The following ARFGEF2 variants were observed in gnomAD, a reference collection of about 807,000 sequenced individuals.
ARFGEF2 encodes the protein brefeldin A-inhibited guanine nucleotide-exchange protein 2.
In ARFGEF2, 74 loss-of-function variants were observed where a neutral mutation model predicts 219.9. That is an observed-to-expected ratio of 0.34 (90% confidence interval 0.28 to 0.41). The LOEUF is 0.41. ARFGEF2 is among the 10% of genes least tolerant of loss of function. The pLI is 1.00. For missense variants in ARFGEF2, 1,743 were observed against 2,218.3 expected (o/e 0.79, Z 4.30); for synonymous variants, 733 against 799.2 (o/e 0.92, Z 1.40).
At position 49,008,379 on chromosome 20, in the gene ARFGEF2, A is replaced by T. The variant is rs561422868; in HGVS notation, c.3585-1853A>T. On this transcript the variant is annotated intron_variant, in intron 26 of 38. Transcript: ENST00000371917. ...GGAATTCGAGACCAGCCTGGCCAAC[A>T]TGCTGAAACCCCGTCTCTACTAAAA... Among the ~76,000 whole-genome samples, 25 of 152,000 alleles carry T rather than the reference A, an allele frequency of 1.6e-4. No homozygotes were observed. The South Asian group carries it at 4.2e-3, about 25-fold the overall frequency.
At chr20:49,004,658 G>A (rs549132548) in intron 25 of ARFGEF2, among the ~76,000 whole-genome samples, 6 of 151,856 alleles carry the variant, frequency 4.0e-5, no homozygotes, top group South Asian at 4.2e-4. Flanking sequence ...AAAATCAGCC[G>A]GCAGGCACCT....
At chr20:48,966,124 G>A in intron 8 of ARFGEF2, 101 bp downstream of exon 8, 5 of 1,445,528 alleles carry the variant, frequency 3.5e-6, no homozygotes, top group Non-Finnish European at 4.8e-6. Context: ...AAATAAGCAA[G>A]CCCTGTTCCT....
chr20:48,947,178 TG>T (rs1478645086), intron 3 of ARFGEF2, among the ~76,000 whole-genome samples: 1 of 151,930 alleles, frequency 6.6e-6, no homozygotes, highest in Non-Finnish European at 1.5e-5. Flanking sequence ...ACGGGCAGAT[TG>T]CCTGAGCTCA....
intron 14 of ARFGEF2, among the ~76,000 whole-genome samples, chr20:48,983,950 A>G (rs1465719563): frequency 6.6e-6 from 1 of 151,978 alleles, no homozygotes; most frequent in Non-Finnish European, 1.5e-5. Context: ...ATGGTGGCTC[A>G]TGCCCGTTAT....
At chr20:49,001,365 C>A (rs2091424408) in intron 25 of ARFGEF2, among the ~76,000 whole-genome samples, 1 of 152,096 alleles carries the variant, frequency 6.6e-6, no homozygotes, top group Non-Finnish European at 1.5e-5. Flanking sequence ...TTAACTTTTT[C>A]CACCACCTTG....
intron 20 of ARFGEF2, 29 bp from the exon 21 acceptor site, chr20:48,991,011 C>T (rs764258360): frequency 6.2e-7 from 1 of 1,608,836 alleles, no homozygotes; most frequent in Non-Finnish European, 8.5e-7. Context: ...GTTGGAGTCA[C>T]AGTGTTCTCT....
chr20:48,976,526 T>TGGC (rs1235239367), intron 14 of ARFGEF2, among the ~76,000 whole-genome samples: 3 of 152,132 alleles, frequency 2.0e-5, no homozygotes, highest in Admixed American at 2.0e-4. Flanking sequence ...CTGCCTGAGA[T>TGGC]GGCCCGGCGC....
chr20:48,936,991 C>T lies in ARFGEF2; in HGVS notation c.122-4208C>T, dbSNP rs186545589. Among the ~76,000 whole-genome samples the T allele has an allele frequency of 6.6e-5, 10 of 152,216 alleles. No homozygotes were observed. In the East Asian group the frequency reaches 1.7e-3, roughly 26 times the overall value. ...TGGAAAAAAAAAAGATTGCATTATC[C>T]AGATATATCAAGAACCCAACTTTTA... On this transcript the variant is annotated intron_variant, in intron 1 of 38. Transcript: ENST00000371917.
At chr20:48,937,454 C>T (rs1416748941) in intron 1 of ARFGEF2, among the ~76,000 whole-genome samples, 2 of 152,130 alleles carry the variant, frequency 1.3e-5, no homozygotes, top group African/African-American at 2.4e-5. Flanking sequence ...TACCATGTTG[C>T]TCAGGCTGGT....
At chr20:48,937,939 C>T (rs2090969192) in intron 1 of ARFGEF2, among the ~76,000 whole-genome samples, 1 of 152,214 alleles carries the variant, frequency 6.6e-6, no homozygotes, top group Non-Finnish European at 1.5e-5. Flanking sequence ...GTGTTTTGAA[C>T]CGTGGTTGTA....
chr20:48,989,620 T>C lies in ARFGEF2; in HGVS notation c.2750T>C (p.Val917Ala). 6.2e-7 allele frequency: 1 copy of C among 1,614,242 alleles called. No individual in the cohort carries two copies. The highest frequency in any genetic ancestry group is 8.5e-7 in the Non-Finnish European group (1 of 1,180,036). ...CTCCAGAACTGTGATGACACTGAAG[T>C]GGCCTCCTTGTGTTTGGAAGGCATC... ...IGLQNCDDTE[V>A]ASLCLEGIRC... Residue 917 changes from valine to alanine, a missense_variant, in exon 20 of 39, where the codon GTG (valine) becomes GCG (alanine). Transcript: ENST00000371917.
At chr20:48,982,289 G>C (rs1175539224) in intron 14 of ARFGEF2, among the ~76,000 whole-genome samples, 2 of 152,180 alleles carry the variant, frequency 1.3e-5, no homozygotes, top group Non-Finnish European at 1.5e-5. Flanking sequence ...TCCAGACCCT[G>C]TTTGCCTGGG....
intron 29 of ARFGEF2, 21 bp from the exon 30 acceptor site, chr20:49,013,810 G>A (rs1218682598): frequency 6.2e-7 from 1 of 1,613,900 alleles, no homozygotes; most frequent in Non-Finnish European, 8.5e-7. Context: ...TCTCTTCTGT[G>A]CCTGACTTTG....
chr20:48,923,569 A>G (rs1209187334), intron 1 of ARFGEF2, among the ~76,000 whole-genome samples: 2 of 152,232 alleles, frequency 1.3e-5, no homozygotes, highest in Non-Finnish European at 1.5e-5. Context: ...TTTCTCTTCC[A>G]ATAACCAAGG....
chr20:48,948,305 ATC>A (rs2091041655), intron 3 of ARFGEF2, among the ~76,000 whole-genome samples: 1 of 152,054 alleles, frequency 6.6e-6, no homozygotes, highest in Admixed American at 6.6e-5. Flanking sequence ...CTCTAGCTAT[ATC>A]TCTCCATGTG....
At chr20:49,011,402 AT>A (rs1839072795) in intron 27 of ARFGEF2, among the ~76,000 whole-genome samples, 1 of 152,140 alleles carries the variant, frequency 6.6e-6, no homozygotes, top group Non-Finnish European at 1.5e-5. Flanking sequence ...CTATCTCATT[AT>A]TTCCCCCATG....
In ARFGEF2 at chr20:49,025,433, A is replaced by G; in HGVS notation, c.4876A>G (p.Lys1626Glu). 1 of 1,614,130 alleles carries G rather than the reference A, an allele frequency of 6.2e-7. No individual in the cohort carries two copies. Among genetic ancestry groups the G allele is most frequent in the Non-Finnish European group, 8.5e-7 (1 of 1,180,006 alleles). Residue 1626 changes from lysine (K) to glutamate (E), a missense_variant, in exon 36 of 39, where the codon AAG becomes GAG. Coordinates refer to ENST00000371917, the MANE Select transcript of ARFGEF2 (RefSeq NM_006420.3). ...TTTGCAGGAATCCCATTCATTCTCA[A>G]AGGCCTTCAACTCCAATTACGAGCA... ...DCLQESHSFS[K>E]AFNSNYEQRT...
At position 48,961,787 on chromosome 20, in the gene ARFGEF2, C is replaced by G. The variant is rs570451916; in HGVS notation, c.839-2043C>G. Among the ~76,000 whole-genome samples, 43 of 151,568 alleles carry G rather than the reference C, an allele frequency of 2.8e-4. No individual in the cohort carries two copies. The South Asian group carries it at 7.9e-3, about 28-fold the overall frequency. ...GCTGAGGCAGGAGAATTGCTTGAAC[C>G]TGGGAGGCGGAGGTTGCAGTGAGCC... is the stretch of plus-strand genomic sequence containing the variant. On this transcript the variant is annotated intron_variant, in intron 6 of 38. Coordinates refer to ENST00000371917, the MANE Select transcript of ARFGEF2 (RefSeq NM_006420.3).
intron 1 of ARFGEF2, among the ~76,000 whole-genome samples, chr20:48,928,229 C>G (rs1483176022): frequency 7.7e-6 from 1 of 129,404 alleles, no homozygotes; most frequent in Non-Finnish European, 1.6e-5. Flanking sequence ...GACGGAGTCT[C>G]GCTCTGTCGC....
Sources: allele counts gnomAD v4.1 joint callset (sites outside exome capture counted in the v4.1 genomes callset), GRCh38; gene constraint gnomAD v4.1.1; transcripts MANE v1.5; gene names NCBI Gene and HGNC (gene_info 2026-07-23, HGNC 2026-07-21).